CTNNA3: variants seen among roughly 807,000 people sequenced by gnomAD.
CTNNA3 encodes the protein catenin alpha-3.
CTNNA3 carries 76 observed loss-of-function variants against 95.7 expected under a neutral mutation model. The observed-to-expected ratio is 0.79, with a 90% CI of 0.66 to 0.96. The LOEUF is 0.96. Ranked by LOEUF, CTNNA3 falls within the 40% of genes least tolerant of loss-of-function variation. The pLI is 0.00. For synonymous variants in CTNNA3, 431 were observed against 374.4 expected, an observed-to-expected ratio of 1.15 and a Z score of -1.74; for missense variants, 1,191 against 1,089.8, an observed-to-expected ratio of 1.09 and a Z score of -1.31.
chr10:66,703,276 T>G (rs1314719879), intron 9 of CTNNA3, among the ~76,000 whole-genome samples: 1 of 152,170 alleles, frequency 6.6e-6, no homozygotes, highest in Non-Finnish European at 1.5e-5. Context: ...CCCTTCATGC[T>G]AAACTCCTTC....
chr10:65,986,068 T>A (rs2078420823), intron 16 of CTNNA3, among the ~76,000 whole-genome samples: 1 of 151,492 alleles, frequency 6.6e-6, no homozygotes, highest in South Asian at 2.1e-4. Context: ...CATGAAAATG[T>A]CAAAAGTGTA....
At chr10:67,583,010 C>A (rs10997736) in intron 3 of CTNNA3, among the ~76,000 whole-genome samples, 5 of 151,470 alleles carry the variant, frequency 3.3e-5, no homozygotes, top group Non-Finnish European at 5.9e-5. Flanking sequence ...TGACTCTTTA[C>A]CCAATTTGCC....
chr10:67,451,590 T>C (rs1318626871), intron 5 of CTNNA3, among the ~76,000 whole-genome samples: 1 of 152,194 alleles, frequency 6.6e-6, no homozygotes, highest in East Asian at 1.9e-4. Context: ...TTCTGGCTCT[T>C]ATCCTAGATT....
chr10:67,750,501 T>A (rs868246607), intron 1 of CTNNA3: 1 of 1,555,888 alleles, frequency 6.4e-7, no homozygotes, highest in Non-Finnish European at 8.9e-7. Context: ...CGGGAGGACC[T>A]CTTCATCATC....
chr10:66,268,119 A>G (rs1589897138), intron 13 of CTNNA3, among the ~76,000 whole-genome samples: 1 of 152,154 alleles, frequency 6.6e-6, no homozygotes, highest in East Asian at 1.9e-4. Context: ...GATGATGATG[A>G]CTATGATAAT....
At chr10:66,971,931 G>A (rs192076348) in intron 7 of CTNNA3, among the ~76,000 whole-genome samples, 2 of 151,214 alleles carry the variant, frequency 1.3e-5, no homozygotes, top group East Asian at 1.9e-4. Flanking sequence ...ATGTACTTCA[G>A]TATATTCCAT....
In CTNNA3 at chr10:67,606,974, G is replaced by A; in HGVS notation, c.175C>T (p.Leu59=). ...KGRSKRASVL[L]ASVEEATWNL... is the part of the protein sequence containing the mutation. ...CAAGTTGCTTCCTCCACAGAAGCTA[G>A]AAGGACACTGGCTCTTTTCGAACGT... The change falls in exon 3 of 18, where the codon CTA becomes TTA. Residue 59 remains leucine (L), a synonymous_variant. Transcript: ENST00000433211. The A allele has an allele frequency of 2.5e-6, 4 of 1,613,696 alleles. No individual in the cohort carries two copies. Among genetic ancestry groups the A allele is most frequent in the South Asian group, 2.2e-5 (2 of 91,076 alleles).
intron 7 of CTNNA3, among the ~76,000 whole-genome samples, chr10:67,024,566 G>A (rs560775178): frequency 6.6e-6 from 1 of 152,282 alleles, no homozygotes; most frequent in South Asian, 2.1e-4. Flanking sequence ...AAGTCATTAT[G>A]TTTTGGAGTT....
At chr10:66,368,957 T>A (rs61867319) in intron 12 of CTNNA3, among the ~76,000 whole-genome samples, 1 of 152,104 alleles carries the variant, frequency 6.6e-6, no homozygotes, top group African/African-American at 2.4e-5. Context: ...GTGTTTATAA[T>A]AAATGATACT....
intron 11 of CTNNA3, among the ~76,000 whole-genome samples, chr10:66,392,705 C>T (rs990316942): frequency 2.6e-5 from 4 of 151,982 alleles, no homozygotes; most frequent in African/African-American, 4.8e-5. Flanking sequence ...ATTAGAATGA[C>T]TAAAATTTAA....
At chr10:67,142,861 G>A (rs1045417797) in intron 7 of CTNNA3, among the ~76,000 whole-genome samples, 3 of 152,050 alleles carry the variant, frequency 2.0e-5, no homozygotes, top group Non-Finnish European at 4.4e-5. Context: ...GAACCCGGGA[G>A]GCAGAGGTTG....
intron 11 of CTNNA3, among the ~76,000 whole-genome samples, chr10:66,474,921 T>G (rs1452075487): frequency 1.3e-5 from 2 of 152,034 alleles, no homozygotes; most frequent in Admixed American, 1.3e-4. Flanking sequence ...TTGCTTTGTT[T>G]TTTGCTATTG....
chr10:67,540,332 A>C (rs963150318), intron 3 of CTNNA3, among the ~76,000 whole-genome samples: 1 of 152,038 alleles, frequency 6.6e-6, no homozygotes, highest in Non-Finnish European at 1.5e-5. Context: ...CTTTACTCCC[A>C]TCCAACAACA....
At chr10:66,201,776 A>ATTT in intron 13 of CTNNA3, among the ~76,000 whole-genome samples, 1 of 108,244 alleles carries the variant, frequency 9.2e-6, no homozygotes, top group Non-Finnish European at 1.9e-5. Context: ...CTGTCTTTTT[A>ATTT]CTTTTTCTTT....
rs1235720908 is a variant in CTNNA3, at chr10:67,564,406, G to C, written c.293-24737C>G. Among the ~76,000 whole-genome samples the C allele has an allele frequency of 5.5e-5, 8 of 144,276 alleles. 1 individual carries two copies. The highest frequency in any genetic ancestry group is 1.2e-4 in the Non-Finnish European group (8 of 66,184). The allele number at this position is 144,276 out of a possible 152,430, so 94.7% of individuals were successfully genotyped here. A position where few individuals can be genotyped will look rare whatever the true frequency, so the allele number is the denominator to read the frequency against. ...ACTATCGCAAGGACAGAAAACCAAA[G>C]ACCGCATGTTCTCACTCATAGGTGG... is the stretch of plus-strand genomic sequence containing the variant. On this transcript the variant is annotated intron_variant, in intron 3 of 17. Coordinates refer to ENST00000433211, the MANE Select transcript of CTNNA3 (RefSeq NM_013266.4).
intron 9 of CTNNA3, among the ~76,000 whole-genome samples, chr10:66,642,184 A>T (rs1451013397): frequency 2.6e-5 from 4 of 151,846 alleles, no homozygotes; most frequent in Admixed American, 6.6e-5. Flanking sequence ...CACAGCCTGA[A>T]ATAATAGATA....
chr10:67,721,737 CCTT>C (rs1456768426), intron 1 of CTNNA3, among the ~76,000 whole-genome samples: 1 of 152,084 alleles, frequency 6.6e-6, no homozygotes, highest in Non-Finnish European at 1.5e-5. Flanking sequence ...GGAGAAGAGG[CCTT>C]CTGGTTTTTG....
chr10:67,376,541 C>G (rs550977771), intron 5 of CTNNA3, among the ~76,000 whole-genome samples: 1 of 152,346 alleles, frequency 6.6e-6, no homozygotes, highest in African/African-American at 2.4e-5. Flanking sequence ...GACTACAAAT[C>G]TAATTCATAT....
At chr10:66,703,502 T>C (rs1207729011) in intron 9 of CTNNA3, among the ~76,000 whole-genome samples, 1 of 152,154 alleles carries the variant, frequency 6.6e-6, no homozygotes, top group Non-Finnish European at 1.5e-5. Flanking sequence ...ATAACAAAAA[T>C]CTAACAGTTG....
Sources: allele counts gnomAD v4.1 joint callset (sites outside exome capture counted in the v4.1 genomes callset), GRCh38; gene constraint gnomAD v4.1.1; transcripts MANE v1.5; gene names NCBI Gene and HGNC (gene_info 2026-07-23, HGNC 2026-07-21).